Variants in DNAAF8 observed in about 807,000 individuals in gnomAD.
DNAAF8 encodes the protein dynein axonemal-associated protein 1.
Under a neutral mutation model 54.6 loss-of-function variants are expected in DNAAF8, and 61 were observed. The observed-to-expected ratio is 1.12, with a 90% CI of 0.91 to 1.38. The LOEUF is 1.38. DNAAF8 is among the 40% of genes most tolerant of loss of function. DNAAF8 has a pLI of 0.00. For missense variants in DNAAF8, 837 were observed against 665.0 expected, an observed-to-expected ratio of 1.26 and a Z score of -2.85; for synonymous variants, 320 against 270.1, an observed-to-expected ratio of 1.18 and a Z score of -1.81.
At chr16:4,747,781 A>G in intron 9 of DNAAF8, 147 bp downstream of exon 9, 3 of 924,384 alleles carry the variant, frequency 3.2e-6, no homozygotes. Context: ...CCACCCTGTT[A>G]GAGCTCAGTC....
Position 4,749,282 on chromosome 16 carries a change from A to G in DNAAF8, c.*567A>G, listed in dbSNP as rs930762960. 2 of 154,450 alleles carry G rather than the reference A, an allele frequency of 1.3e-5. No homozygotes were observed. Among genetic ancestry groups the G allele is most frequent in the African/African-American group, 4.8e-5 (2 of 41,530 alleles). The allele number at this position is 154,450 out of a possible 1,614,324, so 9.6% of individuals were successfully genotyped here. ...TGTGGCTGCCTAGCTGTCAAGAGCA[A>G]AGGCTTTTTTTTTCTTCAACCCCAT... On this transcript the variant is annotated 3_prime_UTR_variant, in exon 10 of 10. Coordinates refer to ENST00000299320, the MANE Select transcript of DNAAF8 (RefSeq NM_139170.3).
rs2082031643 is a variant in DNAAF8 at position 4,747,392 on chromosome 16, A to C, written c.1330A>C (p.Lys444Gln). 1 of 1,610,380 alleles carries C rather than the reference A, an allele frequency of 6.2e-7. No individual in the cohort carries two copies. Among genetic ancestry groups the C allele is most frequent in the Non-Finnish European group, 8.5e-7 (1 of 1,178,236 alleles). ...QLLQQLRAFQ[K>Q]GTAQPELPAS... ...TCTCCAGCAGCTCAGGGCCTTTCAG[A>C]AGGGGACAGCCCAGCCCGAGCTGCC... The change falls in exon 9 of 10, where the codon AAG becomes CAG. Residue 444 changes from lysine to glutamine, a missense_variant. Physicochemically the swap from Lys to Gln is moderately conservative, Grantham distance 53. Coordinates refer to ENST00000299320, the MANE Select transcript of DNAAF8 (RefSeq NM_139170.3).
intron 4 of DNAAF8, among the ~76,000 whole-genome samples, 182 bp from the exon 5 acceptor site, chr16:4,742,861 C>T (rs1567501717): frequency 1.3e-5 from 2 of 152,232 alleles, no homozygotes; most frequent in East Asian, 3.9e-4. Flanking sequence ...TTAACGGAGG[C>T]GTTCAATCTG....
chr16:4,747,689 C>T (rs990639938), intron 9 of DNAAF8, 55 bp downstream of exon 9: 17 of 1,499,376 alleles, frequency 1.1e-5, no homozygotes, highest in African/African-American at 7.0e-5. Flanking sequence ...GGACCCTGGG[C>T]CCCGGTGTCC....
rs2082049907 is a variant in DNAAF8 at position 4,748,755 on chromosome 16, A to G, written c.*40A>G. 1 of 152,388 alleles carries G rather than the reference A, an allele frequency of 6.6e-6. No homozygotes were observed. Among genetic ancestry groups the G allele is most frequent in the Non-Finnish European group, 1.5e-5 (1 of 68,200 alleles). The allele number at this position is 152,388 out of a possible 1,614,324, so 9.4% of individuals were successfully genotyped here. On this transcript the variant is annotated 3_prime_UTR_variant, in exon 10 of 10. Coordinates refer to ENST00000299320, the MANE Select transcript of DNAAF8 (RefSeq NM_139170.3). ...GTCCTGCTGTCTGCCCCGTGGGAAG[A>G]GCAGAGAAATCATCACCACCTTGGG...
chr16:4,744,753 G>A (rs1410700085), intron 5 of DNAAF8, 117 bp from the exon 6 acceptor site: 2 of 1,305,842 alleles, frequency 1.5e-6, no homozygotes, highest in African/African-American at 2.9e-5. Flanking sequence ...CGGGGGCAGT[G>A]GAGGAGCCTG....
In DNAAF8 at chr16:4,749,060, TG is replaced by T. The variant is rs2142218795; in HGVS notation, c.*346del. 1 of 152,524 alleles carries T rather than the reference TG, an allele frequency of 6.6e-6. No homozygotes were observed. The highest frequency in any genetic ancestry group is 2.1e-4 in the South Asian group (1 of 4,836). The allele number at this position is 152,524 out of a possible 1,614,324, so 9.4% of individuals were successfully genotyped here. A position where few individuals can be genotyped will look rare whatever the true frequency, so the allele number is the denominator to read the frequency against. On this transcript the variant is annotated 3_prime_UTR_variant, in exon 10 of 10. Coordinates refer to ENST00000299320, the MANE Select transcript of DNAAF8 (RefSeq NM_139170.3). ...TCCCAATGATGAGGGGCATTTTCAT[TG>T]CAAGTCAAAGGCAAGACAGGCTTCC...
At position 4,740,495 on chromosome 16, in the gene DNAAF8, A is replaced by G; in HGVS notation, c.619A>G (p.Ile207Val). The change falls in exon 4 of 10, where the codon ATA (isoleucine) becomes GTA (valine). Residue 207 changes from isoleucine (I) to valine (V), a missense_variant. Coordinates refer to ENST00000299320, the MANE Select transcript of DNAAF8 (RefSeq NM_139170.3). ...RALRQERRKM[I>V]ETDILQKVTR... ...CCTCCGACAGGAGAGAAGGAAGATG[A>G]TAGAGACGGACATCCTCCAGAAAGT... The G allele has an allele frequency of 6.2e-7, 1 of 1,614,118 alleles. No homozygotes were observed. The highest frequency in any genetic ancestry group is 1.1e-5 in the South Asian group (1 of 91,088).
In DNAAF8 at chr16:4,746,966, G is replaced by A. The variant is rs752125764; in HGVS notation, c.1221G>A (p.Glu407=). 1.9e-5 allele frequency: 29 copies of A among 1,548,748 alleles called. No homozygotes were observed. Among genetic ancestry groups the A allele is most frequent in the African/African-American group, 2.8e-5 (2 of 71,694 alleles). ...CCTCTGACAGTGAGGAGGAGGAGGA[G>A]GAAGAGATGGCAGCTCTGGGAGACG... ...HSSSDSEEEE[E]EEMAALGDAE... Residue 407 remains glutamate (E), a synonymous_variant, in exon 8 of 10, where the codon GAG becomes GAA. Transcript: ENST00000299320.
chr16:4,743,089 G>T lies in DNAAF8; in HGVS notation c.830G>T (p.Gly277Val). The T allele has an allele frequency of 1.9e-6, 3 of 1,612,422 alleles. No individual in the cohort carries two copies. Among genetic ancestry groups the T allele is most frequent in the Non-Finnish European group, 2.5e-6 (3 of 1,179,338 alleles). The change falls in exon 5 of 10, where the codon GGA (glycine) becomes GTA (valine). Residue 277 changes from glycine to valine, a missense_variant. Coordinates refer to ENST00000299320, the MANE Select transcript of DNAAF8 (RefSeq NM_139170.3). ...GATGACATCCTTCAGAGTCTGGCGG[G>T]ACAAGAAGACAACCAGGGAAATCGT... ...DLDDILQSLA[G>V]QEDNQGNRAP... is the part of the protein sequence containing the mutation.
Position 4,740,934 on chromosome 16 carries a change from C to A in DNAAF8, c.783+275C>A, listed in dbSNP as rs192137631. ...GCACAGCGGCTCGCACCTGTAATCC[C>A]AGCACTTTGGGAGGCCGAGGCGGGA... On this transcript the variant is annotated intron_variant, in intron 4 of 9. Coordinates refer to ENST00000299320, the MANE Select transcript of DNAAF8 (RefSeq NM_139170.3). Among the ~76,000 whole-genome samples the A allele has an allele frequency of 4.7e-3, 711 of 152,086 alleles. 5 individuals carry two copies. Among genetic ancestry groups the A allele is most frequent in the African/African-American group, 0.016 (679 of 41,500 alleles).
At position 4,749,389 on chromosome 16, in the gene DNAAF8, A is replaced by C. The variant is rs1183392280; in HGVS notation, c.*674A>C. The C allele has an allele frequency of 6.5e-6, 1 of 154,416 alleles. No individual in the cohort carries two copies. Among genetic ancestry groups the C allele is most frequent in the Non-Finnish European group, 1.5e-5 (1 of 68,218 alleles). 9.6% of individuals were successfully genotyped at this position (154,416 alleles called of 1,614,324 possible). ...AGTGATGGAAAATAAACTCTGTTCCAAGTTCAACTCTGAATTACTGTGTCT... is the reference window on the plus strand; with the variant it reads ...AGTGATGGAAAATAAACTCTGTTCCCAGTTCAACTCTGAATTACTGTGTCT... On this transcript the variant is annotated 3_prime_UTR_variant, in exon 10 of 10. Transcript: ENST00000299320.
At position 4,736,632 on chromosome 16, in the gene DNAAF8, G is replaced by T; in HGVS notation, c.118G>T (p.Asp40Tyr). 1 of 1,573,284 alleles carries T rather than the reference G, an allele frequency of 6.4e-7. No individual in the cohort carries two copies. Residue 40 changes from aspartate to tyrosine, a missense_variant, in exon 2 of 10, where the codon GAC (aspartate) becomes TAC (tyrosine). Physicochemically the swap from Asp to Tyr is radical, Grantham distance 160. Coordinates refer to ENST00000299320, the MANE Select transcript of DNAAF8 (RefSeq NM_139170.3). ...VKDQLPSLDS[D>Y]SPLSDYGEEE... ...AGACCAGCTCCCGTCTCTGGACTCA[G>T]ACTCCCCTTTGGTAAGCAAGAACTC...
intron 2 of DNAAF8, among the ~76,000 whole-genome samples, 182 bp from the exon 3 acceptor site, chr16:4,737,618 G>A (rs1299002215): frequency 6.6e-6 from 1 of 152,150 alleles, no homozygotes; most frequent in Non-Finnish European, 1.5e-5. Flanking sequence ...GCCGCGCACA[G>A]CAAGGCTGAC....
chr16:4,746,921 C>A lies in DNAAF8; in HGVS notation c.1182-6C>A, dbSNP rs761296221. ...CACATCCAGAAACCCATTTCTCTCCCTGCAGCTCCAGCCACAGCTCCTCTG... is the reference window on the plus strand; with the variant it reads ...CACATCCAGAAACCCATTTCTCTCCATGCAGCTCCAGCCACAGCTCCTCTG... On this transcript the variant is annotated splice_region_variant and splice_polypyrimidine_tract_variant and intron_variant, in intron 7 of 9. Transcript: ENST00000299320. The A allele has an allele frequency of 1.9e-6, 3 of 1,549,266 alleles. No homozygotes were observed. Among genetic ancestry groups the A allele is most frequent in the African/African-American group, 1.4e-5 (1 of 72,150 alleles).
intron 3 of DNAAF8, among the ~76,000 whole-genome samples, chr16:4,739,262 C>G (rs74558773): frequency 2.8e-5 from 1 of 36,240 alleles, no homozygotes; most frequent in African/African-American, 7.4e-5. Flanking sequence ...ATGATTTTTT[C>G]TTGTTTTTTT....
At chr16:4,745,090 A>G (rs2081997397) in intron 6 of DNAAF8, 79 bp downstream of exon 6, 1 of 1,512,936 alleles carries the variant, frequency 6.6e-7, no homozygotes, top group Admixed American at 1.8e-5. Flanking sequence ...TGGGCCTACC[A>G]AGGGCGGGGC....
intron 3 of DNAAF8, among the ~76,000 whole-genome samples, chr16:4,738,695 C>G (rs964432271): frequency 2.0e-5 from 3 of 152,058 alleles, no homozygotes; most frequent in Admixed American, 1.3e-4. Context: ...CCAGCCTGGC[C>G]AACATGGTGA....
intron 5 of DNAAF8, among the ~76,000 whole-genome samples, chr16:4,744,538 T>G (rs973773519): frequency 2.6e-5 from 4 of 152,166 alleles, no homozygotes; most frequent in Admixed American, 2.0e-4. Flanking sequence ...TATTTTTTTT[T>G]TAAGTCAACA....
Sources: gnomAD v4.1 joint callset for allele counts (sites outside exome capture counted in the v4.1 genomes callset) on GRCh38, gnomAD v4.1.1 for gene constraint, MANE v1.5 for transcripts, NCBI Gene and HGNC (gene_info 2026-07-23, HGNC 2026-07-21) for gene names.